Variants in OPCML observed in about 807,000 individuals in gnomAD.
OPCML encodes opioid-binding protein/cell adhesion molecule.
A neutral mutation model predicts 37.8 loss-of-function variants in OPCML; 13 were observed. The ratio of observed to expected loss-of-function variants is 0.34; its 90% CI spans 0.22 to 0.55. OPCML has a LOEUF of 0.55. Among genes scored for constraint, OPCML ranks in the 20% least tolerant of loss-of-function variants. The pLI, the probability that OPCML is intolerant of heterozygous loss-of-function variation, is 0.91. For missense variants in OPCML, 341 were observed against 435.6 expected (o/e 0.78, Z 1.93); for synonymous variants, 176 against 168.8 (o/e 1.04, Z -0.33).
chr11:132,984,549 G>A (rs1279114424), intron 1 of OPCML, among the ~76,000 whole-genome samples: 1 of 152,088 alleles, frequency 6.6e-6, no homozygotes, highest in Non-Finnish European at 1.5e-5. Flanking sequence ...GGAAAACAGG[G>A]CTTAAAATGT....
intron 1 of OPCML, among the ~76,000 whole-genome samples, chr11:133,378,040 A>T (rs1232947894): frequency 6.6e-6 from 1 of 151,692 alleles, no homozygotes; most frequent in Non-Finnish European, 1.5e-5. Flanking sequence ...CCTAGGTTTT[A>T]CTCTTTATTC....
intron 1 of OPCML, among the ~76,000 whole-genome samples, chr11:133,524,810 C>A (rs758606491): frequency 3.3e-5 from 5 of 152,208 alleles, no homozygotes; most frequent in Non-Finnish European, 7.3e-5. Context: ...AAGGCACATC[C>A]CCAAGCTTCT....
At chr11:133,145,382 T>C (rs1949882870) in intron 1 of OPCML, among the ~76,000 whole-genome samples, 1 of 152,096 alleles carries the variant, frequency 6.6e-6, no homozygotes, top group South Asian at 2.1e-4. Flanking sequence ...AAAAGGCAAT[T>C]GTAGCAAGAC....
intron 3 of OPCML, among the ~76,000 whole-genome samples, chr11:132,631,378 T>TCC: frequency 6.8e-6 from 1 of 146,520 alleles, no homozygotes; most frequent in Non-Finnish European, 1.5e-5. Flanking sequence ...TATATATATC[T>TCC]CCTAGGTGTA....
chr11:133,242,229 G>A (rs998069751), intron 1 of OPCML, among the ~76,000 whole-genome samples: 24 of 152,076 alleles, frequency 1.6e-4, no homozygotes, highest in African/African-American at 5.8e-4. Context: ...AGAATGATAC[G>A]ATTACCACAT....
intron 2 of OPCML, among the ~76,000 whole-genome samples, chr11:132,811,877 G>A (rs754577954): frequency 3.3e-5 from 5 of 152,186 alleles, no homozygotes; most frequent in Non-Finnish European, 7.3e-5. Flanking sequence ...ACGGATTAGA[G>A]CATCAGCTTG....
At chr11:132,782,651 G>A (rs1442114465) in intron 2 of OPCML, among the ~76,000 whole-genome samples, 1 of 151,826 alleles carries the variant, frequency 6.6e-6, no homozygotes, top group Non-Finnish European at 1.5e-5. Context: ...CTTCTCAGAA[G>A]AATAAAAACT....
At chr11:133,340,684 T>G (rs1180976969) in intron 1 of OPCML, among the ~76,000 whole-genome samples, 1 of 151,578 alleles carries the variant, frequency 6.6e-6, no homozygotes, top group African/African-American at 2.4e-5. Context: ...CTCTTCTTTT[T>G]ATTAATAGCC....
chr11:132,562,594 C>T (rs2096412967), intron 3 of OPCML, among the ~76,000 whole-genome samples: 1 of 152,024 alleles, frequency 6.6e-6, no homozygotes, highest in South Asian at 2.1e-4. Flanking sequence ...TAGGTTACAT[C>T]TCAAGATTAT....
chr11:132,442,280 G>C (rs2096038617), intron 4 of OPCML, among the ~76,000 whole-genome samples: 1 of 152,194 alleles, frequency 6.6e-6, no homozygotes, highest in Non-Finnish European at 1.5e-5. Flanking sequence ...TATTAGAGCT[G>C]AGAGAAACCT....
At chr11:133,121,971 G>C (rs1214053997) in intron 1 of OPCML, among the ~76,000 whole-genome samples, 1 of 152,080 alleles carries the variant, frequency 6.6e-6, no homozygotes, top group Non-Finnish European at 1.5e-5. Flanking sequence ...AAATATTCAT[G>C]CCATCTTCTT....
intron 2 of OPCML, among the ~76,000 whole-genome samples, chr11:132,758,949 G>A (rs372962720): frequency 9.3e-4 from 141 of 152,170 alleles, no homozygotes; most frequent in Middle Eastern, 3.4e-3. Context: ...GTCATAAACC[G>A]CTTTTATTAT....
At chr11:132,660,693 C>G (rs969309531) in intron 2 of OPCML, among the ~76,000 whole-genome samples, 2 of 152,150 alleles carry the variant, frequency 1.3e-5, no homozygotes, top group African/African-American at 4.8e-5. Flanking sequence ...GGAGAATGCA[C>G]TAGTTTGCCA....
intron 1 of OPCML, among the ~76,000 whole-genome samples, chr11:132,961,372 A>G (rs1044659944): frequency 1.3e-5 from 2 of 152,212 alleles, no homozygotes; most frequent in South Asian, 4.1e-4. Context: ...AAAGAGCCCA[A>G]GATATAAACA....
chr11:132,464,517 G>A (rs12420926), intron 4 of OPCML, among the ~76,000 whole-genome samples: 16,707 of 152,088 alleles, frequency 0.11, 1,331 homozygotes, highest in Non-Finnish European at 0.17. Flanking sequence ...ACAAAACAGC[G>A]GCTCTACAAT....
In OPCML at chr11:132,776,616, C is replaced by T. The variant is rs143625423; in HGVS notation, c.147-119297G>A. Among the ~76,000 whole-genome samples the T allele has an allele frequency of 4.0e-3, 614 of 152,104 alleles. 6 individuals are homozygous for T. Among genetic ancestry groups the T allele is most frequent in the African/African-American group, 0.014 (596 of 41,466 alleles). On this transcript the variant is annotated intron_variant, in intron 2 of 7. Transcript: ENST00000524381. The stretch of plus-strand genomic sequence containing the variant: ...TGCTTGGGCCACATGACATGCTGGT[C>T]CCCCATTGCTTTCCACCATGAGTGG...
chr11:132,736,038 G>A (rs950182548), intron 2 of OPCML, among the ~76,000 whole-genome samples: 1 of 152,200 alleles, frequency 6.6e-6, no homozygotes, highest in African/African-American at 2.4e-5. Flanking sequence ...TCAAGGAACT[G>A]TCAATATGTA....
chr11:133,186,067 T>C (rs1210316563), intron 1 of OPCML, among the ~76,000 whole-genome samples: 4 of 152,048 alleles, frequency 2.6e-5, no homozygotes, highest in South Asian at 2.1e-4. Flanking sequence ...CCATCCTTTG[T>C]AGTTATTTCA....
intron 1 of OPCML, among the ~76,000 whole-genome samples, chr11:133,230,984 G>A (rs1460374148): frequency 6.6e-6 from 1 of 152,152 alleles, no homozygotes; most frequent in East Asian, 1.9e-4. Context: ...GGTGTGCAGG[G>A]CGCTTTCCAC....
Sources: gnomAD v4.1 joint callset for allele counts (sites outside exome capture counted in the v4.1 genomes callset) on GRCh38, gnomAD v4.1.1 for gene constraint, MANE v1.5 for transcripts, NCBI Gene and HGNC (gene_info 2026-07-23, HGNC 2026-07-21) for gene names.